Variants in NR4A1 observed in about 807,000 individuals in gnomAD.
NR4A1 encodes the protein nuclear receptor subfamily 4 group A member 1.
NR4A1 carries 24 observed loss-of-function variants against 47.5 expected under a neutral mutation model. The observed-to-expected ratio is 0.50, with a 90% CI of 0.37 to 0.71. The LOEUF (loss-of-function observed/expected upper bound fraction) is 0.71. Ranked by LOEUF, NR4A1 falls within the 30% of genes least tolerant of loss-of-function variation. NR4A1 has a pLI of 0.00. For missense variants in NR4A1, 669 were observed against 788.6 expected (o/e 0.85, Z 1.82); for synonymous variants, 353 against 345.7 (o/e 1.02, Z -0.24).
chr12:52,044,451 C>T (rs1432289797), intron 2 of NR4A1, among the ~76,000 whole-genome samples: 1 of 152,164 alleles, frequency 6.6e-6, no homozygotes, highest in African/African-American at 2.4e-5. Flanking sequence ...CAGCTTGCCA[C>T]AAACACGCTC....
At chr12:52,027,770 G>A (rs1363213827) in intron 1 of NR4A1, among the ~76,000 whole-genome samples, 2 of 152,210 alleles carry the variant, frequency 1.3e-5, no homozygotes, top group African/African-American at 4.8e-5. Context: ...CACACACTCT[G>A]ATGCCCACTG....
Position 52,055,106 on chromosome 12 carries a change from C to T in NR4A1, c.778C>T (p.Pro260Ser), listed in dbSNP as rs1382073904. 1 of 1,614,216 alleles carries T rather than the reference C, an allele frequency of 6.2e-7. No individual in the cohort carries two copies. Among genetic ancestry groups the T allele is most frequent in the South Asian group, 1.1e-5 (1 of 91,092 alleles). The stretch of plus-strand genomic sequence containing the variant: ...CTCAACCAAGGCCCGGAGCGGGGCC[C>T]CAGGTGGAAGTGAAGGCCGCTGTGC... ...VTSTKARSGA[P>S]GGSEGRCAVC... The change falls in exon 2 of 7, where the codon CCA becomes TCA. Residue 260 changes from proline to serine, a missense_variant. Pro to Ser is a moderately conservative substitution (Grantham distance 74). Transcript: ENST00000394825.
chr12:52,055,993 A>G, intron 2 of NR4A1, 37 bp from the exon 3 acceptor site: 1 of 530,124 alleles, frequency 1.9e-6, no homozygotes, highest in Non-Finnish European at 2.5e-6. Context: ...CCCACCCCAC[A>G]CTCTGACAGC....
intron 1 of NR4A1, among the ~76,000 whole-genome samples, chr12:52,039,517 T>G (rs779944590): frequency 6.6e-6 from 1 of 152,256 alleles, no homozygotes; most frequent in Non-Finnish European, 1.5e-5. Context: ...GCTCTGGCTC[T>G]TGGATCTGCC....
intron 6 of NR4A1, among the ~76,000 whole-genome samples, chr12:52,057,913 A>G (rs1399005045): frequency 6.6e-6 from 1 of 152,258 alleles, no homozygotes; most frequent in African/African-American, 2.4e-5. Context: ...GAAAGAGCAC[A>G]TAACTGCCCC....
chr12:52,053,864 A>C, intron 1 of NR4A1: 1 of 167,866 alleles, frequency 6.0e-6, no homozygotes, highest in Admixed American at 5.9e-5. Context: ...GAGTATTCCC[A>C]GGAAGTGCCT....
intron 1 of NR4A1, among the ~76,000 whole-genome samples, chr12:52,029,803 C>T (rs1177554474): frequency 6.6e-6 from 1 of 152,232 alleles, no homozygotes; most frequent in Non-Finnish European, 1.5e-5. Context: ...TTCCCTCCCG[C>T]CTGCCTCATG....
intron 1 of NR4A1, among the ~76,000 whole-genome samples, chr12:52,028,633 C>T (rs1274481895): frequency 3.3e-5 from 5 of 151,936 alleles, no homozygotes; most frequent in East Asian, 3.9e-4. Flanking sequence ...AGGCCAGGCG[C>T]GGTAGCTCAT....
At chr12:52,033,226 C>T (rs1252339057) in intron 1 of NR4A1, among the ~76,000 whole-genome samples, 1 of 152,066 alleles carries the variant, frequency 6.6e-6, no homozygotes. Flanking sequence ...CGGCCCTGTT[C>T]CTTCCGGCCC....
chr12:52,054,541 G>T lies in NR4A1; in HGVS notation c.213G>T (p.Leu71=). The T allele has an allele frequency of 1.2e-6, 2 of 1,614,000 alleles. No individual in the cohort carries two copies. Among genetic ancestry groups the T allele is most frequent in the Non-Finnish European group, 1.7e-6 (2 of 1,179,938 alleles). ...TGEFDTFLYQ[L]PGTVQPCSSA... ...AGTTTGACACCTTCCTCTACCAGCT[G>T]CCAGGAACAGTCCAGCCATGCTCCT... is the stretch of plus-strand genomic sequence containing the variant. Residue 71 remains leucine (L), a synonymous_variant, in exon 2 of 7, where the codon CTG becomes CTT. Coordinates refer to ENST00000394825, the MANE Select transcript of NR4A1 (RefSeq NM_173157.3).
In NR4A1 at chr12:52,054,775, C is replaced by G. The variant is rs756024219; in HGVS notation, c.447C>G (p.Pro149=). 2.5e-6 allele frequency: 4 copies of G among 1,612,764 alleles called. No individual in the cohort carries two copies. The highest frequency in any genetic ancestry group is 1.3e-5 in the African/African-American group (1 of 75,050). ...PSPSTPSFQP[P]QLSPWDGSFG... ...CCTCCACGCCCAGCTTCCAGCCGCC[C>G]CAGCTCTCTCCCTGGGATGGCTCCT... is the stretch of plus-strand genomic sequence containing the variant. Residue 149 remains proline, a synonymous_variant, in exon 2 of 7, where the codon CCC becomes CCG. Transcript: ENST00000394825.
chr12:52,027,611 G>A (rs73104736), intron 1 of NR4A1, among the ~76,000 whole-genome samples: 19,602 of 152,290 alleles, frequency 0.13, 1,739 homozygotes, highest in Non-Finnish European at 0.19. Context: ...GGGCCCGCAA[G>A]GAAAGAGGAA....
upstream of NR4A1, among the ~76,000 whole-genome samples, chr12:52,050,439 C>A (rs549975173): frequency 6.6e-6 from 1 of 152,230 alleles, no homozygotes; most frequent in South Asian, 2.1e-4. Context: ...GTGTGACCTT[C>A]AGCAAGTGCC....
In NR4A1 at chr12:52,044,480, C is replaced by T. The variant is rs182036115; in HGVS notation, c.37+2551C>T. ...CACGCTCCGGGACCTGGGCCAGGGA[C>T]TCTGGCCCGGCATGGAACAGGCAGC... On this transcript the variant is annotated intron_variant, in intron 2 of 7. Transcript: ENST00000360284. 3.3e-5 allele frequency among the ~76,000 whole-genome samples: 5 copies of T among 152,206 alleles called. No individual in the cohort carries two copies. The East Asian group carries it at 5.8e-4, about 18-fold the overall frequency.
At chr12:52,048,404 C>T (rs564355980), upstream of NR4A1, among the ~76,000 whole-genome samples, 482 of 150,848 alleles carry the variant, frequency 3.2e-3, 1 homozygote, top group Non-Finnish European at 4.5e-3. Flanking sequence ...ACCATCCTGG[C>T]TAACACAGTG....
At chr12:52,051,722 G>T in intron 1 of NR4A1, 154 bp downstream of exon 1, 2 of 439,148 alleles carry the variant, frequency 4.6e-6, no homozygotes, top group Non-Finnish European at 6.1e-6. Context: ...ACCCAGGTCA[G>T]ACTGGAAACT....
rs187300645 is a variant in NR4A1 at position 52,057,023 on chromosome 12, C to T, written c.1159-34C>T. On this transcript the variant is annotated intron_variant, in intron 4 of 6. Transcript: ENST00000394825. The stretch of plus-strand genomic sequence containing the variant: ...CGTGGCAGTGGGTGTAGGAGCCTGC[C>T]TGGGGTGCTGACCCCACTGGACCGT... 85 of 1,546,152 alleles carry T rather than the reference C, an allele frequency of 5.5e-5. No individual in the cohort carries two copies. The Admixed American group carries it at 9.4e-4, about 17-fold the overall frequency.
At chr12:52,028,834 C>T (rs7977948) in intron 1 of NR4A1, among the ~76,000 whole-genome samples, 1,751 of 151,980 alleles carry the variant, frequency 0.012, 38 homozygotes, top group African/African-American at 0.04. Flanking sequence ...ACCCGGGAAG[C>T]GGAGGTTGCA....
intron 2 of NR4A1, among the ~76,000 whole-genome samples, chr12:52,042,490 GC>G (rs1334499317): frequency 6.6e-6 from 1 of 152,164 alleles, no homozygotes; most frequent in Non-Finnish European, 1.5e-5. Flanking sequence ...GGCAGGGACA[GC>G]CCTTCCACTA....
Sources: allele counts gnomAD v4.1 joint callset (sites outside exome capture counted in the v4.1 genomes callset), GRCh38; gene constraint gnomAD v4.1.1; transcripts MANE v1.5; gene names NCBI Gene and HGNC (gene_info 2026-07-23, HGNC 2026-07-21).